The following PCDH7 variants were observed in gnomAD, a reference collection of about 807,000 sequenced individuals.
The protein encoded by PCDH7 is protocadherin 7.
PCDH7 carries 17 observed loss-of-function variants against 58.9 expected under a neutral mutation model. That is an observed-to-expected ratio of 0.29 (90% CI 0.20 to 0.43). PCDH7 has a LOEUF of 0.43. Ranked by LOEUF, PCDH7 falls within the 20% of genes least tolerant of loss-of-function variation. The pLI, the probability that PCDH7 is intolerant of heterozygous loss-of-function variation, is 1.00. For synonymous variants in PCDH7, 664 were observed against 616.4 expected (o/e 1.08, Z -1.14); for missense variants, 1,274 against 1,441.0 (o/e 0.88, Z 1.88).
intron 1 of PCDH7, among the ~76,000 whole-genome samples, chr4:30,742,091 T>C (rs1717157802): frequency 6.6e-6 from 1 of 152,186 alleles, no homozygotes; most frequent in Admixed American, 6.5e-5. Flanking sequence ...TAAAAAATAG[T>C]GTAAACACTC....
At chr4:31,050,940 G>A (rs1054391122) in intron 3 of PCDH7, among the ~76,000 whole-genome samples, 1 of 152,074 alleles carries the variant, frequency 6.6e-6, no homozygotes, top group African/African-American at 2.4e-5. Flanking sequence ...GCTTCACATT[G>A]TCTATCCTCT....
At position 31,097,587 on chromosome 4, in the gene PCDH7, CATATATATATATATATAT is replaced by C. The variant is rs1190443409; in HGVS notation, c.*8-44852_*8-44835del. Among the ~76,000 whole-genome samples the C allele has an allele frequency of 1.5e-3, 60 of 40,092 alleles. 2 individuals carry two copies. Among genetic ancestry groups the C allele is most frequent in the South Asian group, 7.0e-3 (8 of 1,142 alleles). 26.3% of individuals were successfully genotyped at this position (40,092 alleles called of 152,430 possible). The stretch of plus-strand genomic sequence containing the variant: ...TGTGGCTGTTTTTCCTCCAAATATA[CATATATATATATATATAT>C]ATATATATATATATATATATATATA... On this transcript the variant is annotated intron_variant, in intron 3 of 3. Coordinates refer to the PCDH7 transcript ENST00000509759.
intron 3 of PCDH7, among the ~76,000 whole-genome samples, chr4:30,951,626 A>G (rs767397031): frequency 3.3e-5 from 5 of 152,188 alleles, no homozygotes; most frequent in Non-Finnish European, 5.9e-5. Flanking sequence ...AACAGCAACC[A>G]TGTACTGAGG....
chr4:31,055,088 A>G (rs1395771214), intron 3 of PCDH7, among the ~76,000 whole-genome samples: 1 of 152,140 alleles, frequency 6.6e-6, no homozygotes, highest in Non-Finnish European at 1.5e-5. Context: ...CGTAGCAAAT[A>G]AGGATTTGAC....
intron 1 of PCDH7, among the ~76,000 whole-genome samples, chr4:30,770,516 G>T (rs1266277229): frequency 6.6e-6 from 1 of 152,186 alleles, no homozygotes; most frequent in African/African-American, 2.4e-5. Flanking sequence ...GGTGGGAATT[G>T]AGTGCTAGCT....
chr4:30,766,128 C>G (rs1426180591), intron 1 of PCDH7, among the ~76,000 whole-genome samples: 1 of 149,972 alleles, frequency 6.7e-6, no homozygotes, highest in Non-Finnish European at 1.5e-5. Flanking sequence ...AAAAAAGGAA[C>G]TGATTCTGAT....
intron 1 of PCDH7, among the ~76,000 whole-genome samples, chr4:30,794,873 G>A (rs185960870): frequency 5.9e-5 from 9 of 152,130 alleles, no homozygotes; most frequent in Non-Finnish European, 8.8e-5. Context: ...TAGTTTGATG[G>A]CATGAATATC....
chr4:30,762,718 C>A (rs555308848), intron 1 of PCDH7, among the ~76,000 whole-genome samples: 10 of 152,324 alleles, frequency 6.6e-5, no homozygotes, highest in Non-Finnish European at 1.3e-4. Flanking sequence ...TGCATTAGAT[C>A]TTCAGAGTAA....
intron 3 of PCDH7, among the ~76,000 whole-genome samples, chr4:31,079,047 A>G (rs1377549875): frequency 1.3e-5 from 2 of 151,878 alleles, no homozygotes; most frequent in East Asian, 3.9e-4. Context: ...AATGCACAAA[A>G]TAAATTCCAG....
At chr4:30,797,711 C>T (rs774602427) in intron 1 of PCDH7, among the ~76,000 whole-genome samples, 3 of 152,238 alleles carry the variant, frequency 2.0e-5, no homozygotes, top group African/African-American at 7.2e-5. Flanking sequence ...CCCAGTTCTT[C>T]GCAAAGTGCC....
At chr4:30,727,047 T>C (rs2083981152) in intron 1 of PCDH7, among the ~76,000 whole-genome samples, 1 of 151,928 alleles carries the variant, frequency 6.6e-6, no homozygotes, top group Non-Finnish European at 1.5e-5. Context: ...AAAAAGAGAA[T>C]TCAGGGTTTC....
At chr4:30,864,255 AC>A (rs1388620430) in intron 1 of PCDH7, among the ~76,000 whole-genome samples, 8 of 151,974 alleles carry the variant, frequency 5.3e-5, no homozygotes, top group African/African-American at 1.9e-4. Flanking sequence ...ATGTCTCCTG[AC>A]CTCTCAGTAC....
At position 31,000,460 on chromosome 4, in the gene PCDH7, C is replaced by T. The variant is rs577565151; in HGVS notation, c.*7+50245C>T. ...TTTTGAATAGATTGCTATATTTCAC[C>T]AAAATAGGCAGTTTAAAAGATCTGC... On this transcript the variant is annotated intron_variant, in intron 3 of 3. Transcript: ENST00000509759. Among the ~76,000 whole-genome samples, 5 of 152,054 alleles carry T rather than the reference C, an allele frequency of 3.3e-5. No homozygotes were observed. The South Asian group carries it at 8.3e-4, about 25-fold the overall frequency.
At chr4:31,052,699 GTTTCTGACACA>G (rs1349112371) in intron 3 of PCDH7, among the ~76,000 whole-genome samples, 1 of 152,102 alleles carries the variant, frequency 6.6e-6, no homozygotes, top group African/African-American at 2.4e-5. Flanking sequence ...AAGGAGCTTT[GTTTCTGACACA>G]CAGCAAGCTT....
chr4:31,094,037 C>T (rs943875317), intron 3 of PCDH7, among the ~76,000 whole-genome samples: 12 of 152,086 alleles, frequency 7.9e-5, no homozygotes, highest in African/African-American at 2.9e-4. Context: ...TGGGAACCTG[C>T]TGTAACTTCC....
chr4:30,997,396 G>C (rs1751995182), intron 3 of PCDH7, among the ~76,000 whole-genome samples: 1 of 152,034 alleles, frequency 6.6e-6, no homozygotes, highest in South Asian at 2.1e-4. Flanking sequence ...AATGCTTTTA[G>C]GATTGAAGAT....
chr4:30,927,247 A>C (rs941624424), intron 2 of PCDH7, among the ~76,000 whole-genome samples: 2 of 152,104 alleles, frequency 1.3e-5, no homozygotes, highest in Non-Finnish European at 2.9e-5. Flanking sequence ...TTGCTTATAG[A>C]TTACATATAA....
At chr4:31,048,038 A>AGTT (rs1186667751) in intron 3 of PCDH7, among the ~76,000 whole-genome samples, 1 of 152,072 alleles carries the variant, frequency 6.6e-6, no homozygotes, top group African/African-American at 2.4e-5. Flanking sequence ...TTAATTAAGC[A>AGTT]GTTATCTATA....
At chr4:30,908,843 T>G (rs1231947694) in intron 1 of PCDH7, among the ~76,000 whole-genome samples, 1 of 152,164 alleles carries the variant, frequency 6.6e-6, no homozygotes, top group Non-Finnish European at 1.5e-5. Context: ...GAGGCCAGCA[T>G]CATCCTGATA....
Sources: allele counts gnomAD v4.1 joint callset (sites outside exome capture counted in the v4.1 genomes callset), GRCh38; gene constraint gnomAD v4.1.1; transcripts MANE v1.5; gene names NCBI Gene and HGNC (gene_info 2026-07-23, HGNC 2026-07-21).